Variants in ZC3H12B observed in about 807,000 individuals in gnomAD.
ZC3H12B encodes the protein probable ribonuclease ZC3H12B.
In ZC3H12B, 7 loss-of-function variants were observed where a neutral mutation model predicts 43.9. That is an observed-to-expected ratio of 0.16 (90% CI 0.09 to 0.30). ZC3H12B has a LOEUF of 0.30. Among genes scored for constraint, ZC3H12B ranks in the 10% least tolerant of loss-of-function variants. The pLI is 1.00. For missense variants in ZC3H12B, 475 were observed against 670.2 expected (o/e 0.71, Z 3.22); for synonymous variants, 222 against 241.7 (o/e 0.92, Z 0.76).
intron 3 of ZC3H12B, among the ~76,000 whole-genome samples, chrX:65,465,498 C>G (rs1402547791): frequency 9.0e-6 from 1 of 110,838 alleles, no homozygotes; most frequent in Non-Finnish European, 1.9e-5. Context: ...GCCTTTTAAC[C>G]TATAGTATGT....
chrX:65,383,184 C>A (rs1328902412), intron 2 of ZC3H12B, among the ~76,000 whole-genome samples: 2 of 111,684 alleles, frequency 1.8e-5, no homozygotes, highest in South Asian at 3.7e-4. Context: ...GAGGCATCAC[C>A]CTACCTGACT....
exon 5 of ZC3H12B, chrX:65,506,983 C>A (rs748445770): frequency 5.4e-5 from 6 of 111,416 alleles, no homozygotes; most frequent in East Asian, 2.8e-4. Context: ...CCACCCCCTG[C>A]TAGTTTCCAG....
chrX:65,253,432 TA>T, the ZC3H12B span, among the ~76,000 whole-genome samples: 1 of 112,094 alleles, frequency 8.9e-6, no homozygotes, highest in Admixed American at 9.4e-5. Flanking sequence ...AGACAGTTGA[TA>T]GGGGCAGAAC....
At chrX:65,062,154 T>C in the ZC3H12B span, among the ~76,000 whole-genome samples, 1 of 112,317 alleles carries the variant, frequency 8.9e-6, no homozygotes, top group Non-Finnish European at 1.9e-5. Context: ...TGAGCAGTTC[T>C]TTAGTTTAAT....
chrX:65,433,677 T>C (rs911351644), intron 3 of ZC3H12B, among the ~76,000 whole-genome samples: 1 of 112,029 alleles, frequency 8.9e-6, no homozygotes, highest in Non-Finnish European at 1.9e-5. Context: ...CGCTGGAAAG[T>C]CTGATTATTT....
chrX:65,182,252 G>A, the ZC3H12B span, among the ~76,000 whole-genome samples: 2 of 110,545 alleles, frequency 1.8e-5, no homozygotes, highest in African/African-American at 3.3e-5. Flanking sequence ...GTGCCTGTTG[G>A]GAGGTGGGGG....
chrX:65,175,180 T>C, the ZC3H12B span, among the ~76,000 whole-genome samples: 27 of 111,711 alleles, frequency 2.4e-4, no homozygotes, highest in Admixed American at 1.3e-3. Context: ...CACCCCACCC[T>C]GCTTCTGCTT....
the ZC3H12B span, among the ~76,000 whole-genome samples, chrX:65,344,981 C>T: frequency 1.8e-5 from 2 of 111,965 alleles, no homozygotes; most frequent in Non-Finnish European, 1.9e-5. Flanking sequence ...TTAGAGAATG[C>T]AAATCAAAAC....
Position 65,460,104 on chromosome X carries a change from C to T in ZC3H12B, n.408-28542C>T, listed in dbSNP as rs778829442. On this transcript the variant is annotated intron_variant and non_coding_transcript_variant, in intron 3 of 5. Coordinates refer to the ZC3H12B transcript ENST00000617377. ...GCCAAATCATGAGTGAACTCCCATT[C>T]ATAATTGCTTCAAAGAGAATAAAAT... Among the ~76,000 whole-genome samples the T allele has an allele frequency of 5.4e-5, 6 of 111,713 alleles. No individual in the cohort carries two copies. In the East Asian group the frequency reaches 1.7e-3, roughly 31 times the overall value.
At chrX:65,323,517 A>G in the ZC3H12B span, among the ~76,000 whole-genome samples, 2 of 112,436 alleles carry the variant, frequency 1.8e-5, no homozygotes, top group Non-Finnish European at 3.8e-5. Context: ...TGCAAAGGAC[A>G]TTAACTCATT....
At chrX:65,116,194 A>T in the ZC3H12B span, among the ~76,000 whole-genome samples, 1 of 111,637 alleles carries the variant, frequency 9.0e-6, no homozygotes, top group African/African-American at 3.3e-5. Flanking sequence ...CTTAGATTTA[A>T]GTCTTTGAGC....
intron 3 of ZC3H12B, among the ~76,000 whole-genome samples, chrX:65,433,403 C>T (rs2067186121): frequency 9.0e-6 from 1 of 111,507 alleles, no homozygotes; most frequent in African/African-American, 3.3e-5. Context: ...TTCCATTTGG[C>T]CTTTCACACC....
the ZC3H12B span, among the ~76,000 whole-genome samples, chrX:65,134,507 G>A: frequency 8.9e-6 from 1 of 111,827 alleles, no homozygotes; most frequent in Non-Finnish European, 1.9e-5. Flanking sequence ...TTGAAGGGTA[G>A]CAAAAGAGGG....
At chrX:65,482,100 G>C (rs1269678370) in intron 3 of ZC3H12B, among the ~76,000 whole-genome samples, 2 of 111,959 alleles carry the variant, frequency 1.8e-5, no homozygotes, top group Non-Finnish European at 3.8e-5. Flanking sequence ...TTAAATTGGA[G>C]AGAATCAAGA....
chrX:65,402,560 C>T (rs1158322743), intron 3 of ZC3H12B, among the ~76,000 whole-genome samples: 2 of 112,053 alleles, frequency 1.8e-5, no homozygotes, highest in Non-Finnish European at 3.8e-5. Context: ...GGTCCTAGTC[C>T]TAGTGGTGAT....
the ZC3H12B span, among the ~76,000 whole-genome samples, chrX:65,239,751 C>G: frequency 2.7e-5 from 3 of 112,104 alleles, no homozygotes; most frequent in Non-Finnish European, 5.6e-5. Context: ...TTATTTGGCA[C>G]CCTTGCAGGC....
upstream of ZC3H12B, among the ~76,000 whole-genome samples, chrX:65,365,584 C>T (rs957102336): frequency 1.8e-5 from 2 of 110,800 alleles, no homozygotes; most frequent in East Asian, 5.7e-4. Context: ...CTCTCCATAC[C>T]ATCCCCCAAA....
At chrX:65,492,140 TTTTGGTTTGG>T (rs993337374) in intron 1 of ZC3H12B, among the ~76,000 whole-genome samples, 1 of 110,374 alleles carries the variant, frequency 9.1e-6, no homozygotes, top group Non-Finnish European at 1.9e-5. Flanking sequence ...TTTTGTTTTG[TTTTGGTTTGG>T]TTTGGTTTGG....
the ZC3H12B span, among the ~76,000 whole-genome samples, chrX:65,126,188 C>T: frequency 2.7e-5 from 3 of 110,306 alleles, no homozygotes; most frequent in South Asian, 1.2e-3. Context: ...TTGGTAGTGG[C>T]ATATTCTCTC....
Sources: allele counts gnomAD v4.1 joint callset (sites outside exome capture counted in the v4.1 genomes callset), GRCh38; gene constraint gnomAD v4.1.1; transcripts MANE v1.5; gene names NCBI Gene and HGNC (gene_info 2026-07-23, HGNC 2026-07-21).